BRD10: variants seen among roughly 807,000 people sequenced by gnomAD.
The protein encoded by BRD10 is uncharacterized bromodomain-containing protein 10.
At chr9:5,887,196 T>C in the BRD10 span, among the ~76,000 whole-genome samples, 1 of 150,446 alleles carries the variant, frequency 6.6e-6, no homozygotes, top group Admixed American at 6.6e-5. Context: ...GAGGTGGAGG[T>C]TGCAGTGACC....
At chr9:5,945,673 A>G in the BRD10 span, among the ~76,000 whole-genome samples, 1 of 152,096 alleles carries the variant, frequency 6.6e-6, no homozygotes, top group African/African-American at 2.4e-5. Flanking sequence ...GTTTTAGTGA[A>G]CTGTCAACAA....
the BRD10 span, among the ~76,000 whole-genome samples, chr9:5,995,821 A>G: frequency 6.6e-6 from 1 of 152,196 alleles, no homozygotes; most frequent in Non-Finnish European, 1.5e-5. Flanking sequence ...ATTCATCAAA[A>G]TATTTACTGA....
At chr9:5,951,080 C>A in the BRD10 span, among the ~76,000 whole-genome samples, 9 of 149,074 alleles carry the variant, frequency 6.0e-5, no homozygotes, top group East Asian at 2.0e-4. Context: ...ACACACACCC[C>A]CACCCCACCC....
the BRD10 span, among the ~76,000 whole-genome samples, chr9:5,989,030 A>G: frequency 6.6e-6 from 1 of 152,122 alleles, no homozygotes; most frequent in Non-Finnish European, 1.5e-5. Context: ...CAGGAGTTTG[A>G]GACCAGCCTG....
At chr9:5,930,319 C>T in the BRD10 span, among the ~76,000 whole-genome samples, 1 of 147,400 alleles carries the variant, frequency 6.8e-6, no homozygotes, top group African/African-American at 2.5e-5. Context: ...CTATCTAGAG[C>T]AAAAACTATT....
chr9:5,990,232 T>A, the BRD10 span, among the ~76,000 whole-genome samples: 1 of 152,232 alleles, frequency 6.6e-6, no homozygotes, highest in Admixed American at 6.5e-5. Context: ...CAACAACAGA[T>A]ACTGAATGGG....
At chr9:5,922,917 A>T in the BRD10 span, 69 of 1,613,858 alleles carry the variant, frequency 4.3e-5, no homozygotes, top group Non-Finnish European at 5.7e-5. Context: ...CTACCTGTGG[A>T]AGGAGGCAGT....
the BRD10 span, chr9:5,920,885 A>G: frequency 6.2e-7 from 1 of 1,614,028 alleles, no homozygotes; most frequent in Non-Finnish European, 8.5e-7. Flanking sequence ...AGTGTTTCCG[A>G]GACTTGATGA....
At chr9:5,906,913 G>A in the BRD10 span, 1 of 1,591,220 alleles carries the variant, frequency 6.3e-7, no homozygotes, top group South Asian at 1.1e-5. Flanking sequence ...GGCACTCAAT[G>A]TGCCTTAACA....
chr9:5,925,020 G>A, the BRD10 span, among the ~76,000 whole-genome samples: 1 of 152,148 alleles, frequency 6.6e-6, no homozygotes, highest in Non-Finnish European at 1.5e-5. Flanking sequence ...TGCTCAGGAA[G>A]ACAGAACCTA....
chr9:5,971,877 G>A, the BRD10 span, among the ~76,000 whole-genome samples: 2 of 151,936 alleles, frequency 1.3e-5, no homozygotes, highest in Non-Finnish European at 2.9e-5. Context: ...CTAGAGGACT[G>A]CAAGAAAATT....
the BRD10 span, among the ~76,000 whole-genome samples, chr9:5,886,560 C>A: frequency 6.6e-6 from 1 of 152,182 alleles, no homozygotes; most frequent in Non-Finnish European, 1.5e-5. Context: ...AGGTCACACA[C>A]ACTGAAGAGA....
chr9:5,995,499 C>G, the BRD10 span, among the ~76,000 whole-genome samples: 1 of 152,216 alleles, frequency 6.6e-6, no homozygotes, highest in Non-Finnish European at 1.5e-5. Context: ...AGCATATAAA[C>G]AAGTCCAAGT....
At chr9:5,893,915 G>C in the BRD10 span, among the ~76,000 whole-genome samples, 1 of 122,488 alleles carries the variant, frequency 8.2e-6, no homozygotes. Flanking sequence ...CCCGCCCCCC[G>C]CCCCGTGGCA....
chr9:6,005,950 G>A, the BRD10 span, among the ~76,000 whole-genome samples: 1 of 152,170 alleles, frequency 6.6e-6, no homozygotes, highest in Non-Finnish European at 1.5e-5. Context: ...TATGTTAACT[G>A]TTTTTGGTGA....
the BRD10 span, among the ~76,000 whole-genome samples, chr9:5,900,603 A>G: frequency 6.6e-6 from 1 of 152,160 alleles, no homozygotes; most frequent in Non-Finnish European, 1.5e-5. Context: ...GAATTACTCC[A>G]CCTTTAACAA....
chr9:5,907,058 T>C, the BRD10 span: 2 of 1,088,964 alleles, frequency 1.8e-6, no homozygotes, highest in African/African-American at 1.6e-5. Flanking sequence ...CTCAAGTGAA[T>C]ACAATTATTT....
At chr9:5,920,478 T>G in the BRD10 span, 1 of 1,613,994 alleles carries the variant, frequency 6.2e-7, no homozygotes, top group Non-Finnish European at 8.5e-7. Flanking sequence ...GAACTGTAAC[T>G]GGGGGTTTTT....
the BRD10 span, among the ~76,000 whole-genome samples, chr9:5,955,936 G>C: frequency 6.6e-6 from 1 of 152,084 alleles, no homozygotes; most frequent in Non-Finnish European, 1.5e-5. Flanking sequence ...TATTGCTGAA[G>C]GGGGCTCATG....
Sources: allele counts gnomAD v4.1 joint callset (sites outside exome capture counted in the v4.1 genomes callset), GRCh38; gene constraint gnomAD v4.1.1; transcripts MANE v1.5; gene names NCBI Gene and HGNC (gene_info 2026-07-23, HGNC 2026-07-21).